RNF180: variants seen among roughly 807,000 people sequenced by gnomAD.
RNF180 encodes the protein ring finger protein 180, also known as E3 ubiquitin-protein ligase RNF180.
In RNF180, 38 loss-of-function variants were observed where a neutral mutation model predicts 59.2. The observed-to-expected ratio is 0.64, with a 90% confidence interval of 0.50 to 0.84. RNF180 has a LOEUF of 0.84. RNF180 is among the 40% of genes least tolerant of loss of function. The probability of loss-of-function intolerance (pLI) is 0.00; values close to 1 mark genes in which losing one functional copy is unlikely to be tolerated. For synonymous variants in RNF180, 262 were observed against 240.3 expected (o/e 1.09, Z -0.84); for missense variants, 705 against 700.9 (o/e 1.01, Z -0.07).
chr5:64,322,600 T>TAC (rs1169928138), intron 5 of RNF180, among the ~76,000 whole-genome samples: 1 of 123,336 alleles, frequency 8.1e-6, no homozygotes, highest in East Asian at 2.3e-4. Context: ...AATATATATA[T>TAC]ACGTGTGTGT....
chr5:64,198,603 G>A (rs752359505), intron 1 of RNF180, among the ~76,000 whole-genome samples: 7 of 152,118 alleles, frequency 4.6e-5, no homozygotes, highest in Non-Finnish European at 8.8e-5. Flanking sequence ...TTCAGGGTTG[G>A]AGGGCACAGG....
At chr5:64,224,133 C>T (rs1741527932) in intron 5 of RNF180, among the ~76,000 whole-genome samples, 1 of 149,252 alleles carries the variant, frequency 6.7e-6, no homozygotes, top group Non-Finnish European at 1.5e-5. Context: ...CAAGTTATTC[C>T]AGGGTCAAAA....
chr5:64,340,245 A>G (rs1041217919), intron 7 of RNF180, among the ~76,000 whole-genome samples: 5 of 152,236 alleles, frequency 3.3e-5, no homozygotes, highest in African/African-American at 1.2e-4. Context: ...TTTTCTAAAC[A>G]TACTCAAGTC....
At chr5:64,256,142 C>T (rs1009316385) in intron 5 of RNF180, among the ~76,000 whole-genome samples, 3 of 151,988 alleles carry the variant, frequency 2.0e-5, no homozygotes, top group African/African-American at 7.2e-5. Flanking sequence ...TTCTCCCATT[C>T]TGTAGGTTGC....
At chr5:64,346,365 T>C in intron 7 of RNF180, among the ~76,000 whole-genome samples, 1 of 133,756 alleles carries the variant, frequency 7.5e-6, no homozygotes, top group African/African-American at 2.8e-5. Flanking sequence ...TCTTCTTTTT[T>C]TTTTTTTTTT....
intron 7 of RNF180, among the ~76,000 whole-genome samples, chr5:64,348,784 T>G (rs903371086): frequency 6.6e-6 from 1 of 152,036 alleles, no homozygotes; most frequent in Non-Finnish European, 1.5e-5. Context: ...TAAAACAGAT[T>G]TTTTAGTTCT....
intron 1 of RNF180, among the ~76,000 whole-genome samples, chr5:64,194,518 C>T (rs1040230859): frequency 6.6e-6 from 1 of 152,022 alleles, no homozygotes; most frequent in African/African-American, 2.4e-5. Flanking sequence ...GGATATATAC[C>T]CAGTAATGGG....
chr5:64,237,437 T>A (rs185875879), intron 5 of RNF180, among the ~76,000 whole-genome samples: 179 of 152,290 alleles, frequency 1.2e-3, no homozygotes, highest in South Asian at 6.8e-3. Flanking sequence ...CCCAATTGTA[T>A]CTTGGAAGGA....
intron 1 of RNF180, among the ~76,000 whole-genome samples, chr5:64,194,402 CATT>C (rs1751346746): frequency 6.6e-6 from 1 of 152,206 alleles, no homozygotes; most frequent in South Asian, 2.1e-4. Context: ...TCCAATCTAT[CATT>C]GTTGGACATT....
At chr5:64,235,283 A>C (rs1031847362) in intron 5 of RNF180, among the ~76,000 whole-genome samples, 1 of 152,194 alleles carries the variant, frequency 6.6e-6, no homozygotes, top group Admixed American at 6.5e-5. Flanking sequence ...ACCCTGTCTC[A>C]AACAAACAAA....
intron 7 of RNF180, among the ~76,000 whole-genome samples, chr5:64,360,131 T>G (rs1746192333): frequency 6.6e-6 from 1 of 151,978 alleles, no homozygotes; most frequent in Non-Finnish European, 1.5e-5. Context: ...CTTTTTTGGT[T>G]CCATATGAAC....
chr5:64,210,478 A>G (rs745996577), intron 2 of RNF180, among the ~76,000 whole-genome samples: 1 of 152,144 alleles, frequency 6.6e-6, no homozygotes, highest in African/African-American at 2.4e-5. Context: ...GAGGGGGAAA[A>G]TCTGATAACA....
At chr5:64,246,043 A>G (rs931401798) in intron 5 of RNF180, among the ~76,000 whole-genome samples, 7 of 152,218 alleles carry the variant, frequency 4.6e-5, no homozygotes, top group African/African-American at 1.7e-4. Context: ...GGCAGAAATA[A>G]GAAAGTTTTT....
chr5:64,284,445 G>T (rs1742177387), intron 5 of RNF180, among the ~76,000 whole-genome samples: 1 of 152,172 alleles, frequency 6.6e-6, no homozygotes, highest in Admixed American at 6.5e-5. Flanking sequence ...GCTCAAATTT[G>T]GTTTCCAAGT....
intron 1 of RNF180, among the ~76,000 whole-genome samples, chr5:64,184,362 GTACTT>G (rs146091910): frequency 0.015 from 2,315 of 152,188 alleles, 54 homozygotes; most frequent in African/African-American, 0.052. Context: ...CCATTATAAA[GTACTT>G]TATTATCTTT....
At chr5:64,245,934 A>C (rs1032460506) in intron 5 of RNF180, among the ~76,000 whole-genome samples, 1 of 152,236 alleles carries the variant, frequency 6.6e-6, no homozygotes, top group African/African-American at 2.4e-5. Flanking sequence ...ATGACAGTGC[A>C]ATCAAATTAG....
intron 5 of RNF180, among the ~76,000 whole-genome samples, chr5:64,259,782 G>A (rs1242212288): frequency 6.6e-5 from 10 of 151,874 alleles, no homozygotes; most frequent in African/African-American, 1.2e-4. Flanking sequence ...TTAGCCGGGC[G>A]TGGTGGTGCA....
chr5:64,336,220 A>G (rs1745119147), intron 7 of RNF180, among the ~76,000 whole-genome samples: 1 of 152,124 alleles, frequency 6.6e-6, no homozygotes, highest in South Asian at 2.1e-4. Context: ...TAGAATGTAT[A>G]TTGTTTCTGC....
chr5:64,213,378 T>A (rs773519073), intron 3 of RNF180, among the ~76,000 whole-genome samples, 180 bp from the exon 4 acceptor site: 14 of 152,208 alleles, frequency 9.2e-5, no homozygotes, highest in Admixed American at 5.2e-4. Context: ...TGGCGCTGCT[T>A]ATCTTTATTT....
Sources: allele counts gnomAD v4.1 joint callset (sites outside exome capture counted in the v4.1 genomes callset), GRCh38; gene constraint gnomAD v4.1.1; transcripts MANE v1.5; gene names NCBI Gene and HGNC (gene_info 2026-07-23, HGNC 2026-07-21).